EXOC4: variants seen among roughly 807,000 people sequenced by gnomAD.
The protein encoded by EXOC4 is SEC8-like 1.
In EXOC4, 71 loss-of-function variants were observed where a neutral mutation model predicts 107.2. The ratio of observed to expected loss-of-function variants is 0.66; its 90% CI spans 0.55 to 0.81. EXOC4 has a LOEUF of 0.81. EXOC4 is among the 30% of genes least tolerant of loss of function. EXOC4 has a pLI of 0.00. For synonymous variants in EXOC4, 456 were observed against 441.2 expected, an observed-to-expected ratio of 1.03 and a Z score of -0.42; for missense variants, 1,108 against 1,189.6, an observed-to-expected ratio of 0.93 and a Z score of 1.01.
At chr7:133,672,797 C>T (rs1793976333) in intron 10 of EXOC4, among the ~76,000 whole-genome samples, 1 of 152,206 alleles carries the variant, frequency 6.6e-6, no homozygotes, top group Non-Finnish European at 1.5e-5. Flanking sequence ...ATCTGTTCAT[C>T]ACCTTCATTA....
At chr7:133,546,625 A>G (rs920267495) in intron 9 of EXOC4, among the ~76,000 whole-genome samples, 2 of 152,112 alleles carry the variant, frequency 1.3e-5, no homozygotes, top group Non-Finnish European at 2.9e-5. Flanking sequence ...ATTGAGATAT[A>G]AATTGTTTCC....
intron 9 of EXOC4, among the ~76,000 whole-genome samples, chr7:133,516,525 A>G (rs1386018027): frequency 6.6e-6 from 1 of 152,032 alleles, no homozygotes; most frequent in East Asian, 1.9e-4. Context: ...TCTCTATTTC[A>G]TTGCTGAATA....
At chr7:133,286,629 A>T (rs959307292) in intron 2 of EXOC4, among the ~76,000 whole-genome samples, 3 of 152,194 alleles carry the variant, frequency 2.0e-5, no homozygotes, top group Non-Finnish European at 2.9e-5. Context: ...TGAAACCTCA[A>T]ATGTCACTAT....
intron 1 of EXOC4, among the ~76,000 whole-genome samples, chr7:133,261,162 A>G (rs1445572989): frequency 6.6e-6 from 1 of 151,964 alleles, no homozygotes; most frequent in African/African-American, 2.4e-5. Context: ...TATAGGTATT[A>G]TAACAGTTTT....
intron 1 of EXOC4, among the ~76,000 whole-genome samples, chr7:133,257,544 G>T (rs533084817): frequency 1.3e-5 from 2 of 152,310 alleles, no homozygotes; most frequent in South Asian, 4.1e-4. Flanking sequence ...TTTTAATTGG[G>T]AAATGTGTCT....
intron 10 of EXOC4, among the ~76,000 whole-genome samples, chr7:133,742,497 TGTAAG>T (rs1342184400): frequency 6.6e-6 from 1 of 152,190 alleles, no homozygotes; most frequent in South Asian, 2.1e-4. Context: ...ATTCTCAACA[TGTAAG>T]ATGTTATTAG....
At chr7:133,977,599 G>T (rs1179338771) in intron 14 of EXOC4, among the ~76,000 whole-genome samples, 2 of 152,168 alleles carry the variant, frequency 1.3e-5, no homozygotes, top group Non-Finnish European at 2.9e-5. Flanking sequence ...TGTTTGCTGT[G>T]ACCAAATCTT....
chr7:133,377,606 A>G (rs2150694345), intron 7 of EXOC4, among the ~76,000 whole-genome samples: 1 of 152,284 alleles, frequency 6.6e-6, no homozygotes, highest in East Asian at 1.9e-4. Flanking sequence ...TGGGGTAGAA[A>G]AATATCAGGA....
At chr7:133,473,228 C>T (rs1232769757) in intron 7 of EXOC4, among the ~76,000 whole-genome samples, 1 of 152,316 alleles carries the variant, frequency 6.6e-6, no homozygotes, top group South Asian at 2.1e-4. Flanking sequence ...ACTCAATATT[C>T]TCCCTGATCA....
At chr7:133,435,515 C>T (rs1456140193) in intron 7 of EXOC4, among the ~76,000 whole-genome samples, 1 of 152,204 alleles carries the variant, frequency 6.6e-6, no homozygotes, top group Admixed American at 6.5e-5. Flanking sequence ...GCATCATGCA[C>T]ATGAATTCTC....
intron 7 of EXOC4, among the ~76,000 whole-genome samples, chr7:133,461,139 A>G (rs1477925386): frequency 2.0e-5 from 3 of 152,200 alleles, no homozygotes; most frequent in Non-Finnish European, 4.4e-5. Flanking sequence ...GATAATATGC[A>G]TATATTCAGA....
chr7:133,782,203 A>G (rs1004144029), intron 10 of EXOC4, among the ~76,000 whole-genome samples: 1 of 152,128 alleles, frequency 6.6e-6, no homozygotes, highest in African/African-American at 2.4e-5. Flanking sequence ...TCAAAGTGCT[A>G]CATTAGGAAA....
intron 9 of EXOC4, among the ~76,000 whole-genome samples, chr7:133,508,219 A>G (rs1480529141): frequency 6.6e-6 from 1 of 152,188 alleles, no homozygotes; most frequent in African/African-American, 2.4e-5. Flanking sequence ...GAAATGAAAT[A>G]TGAAGTATTT....
chr7:134,065,822 G>A (rs1274164313), downstream of EXOC4: 3 of 152,228 alleles, frequency 2.0e-5, no homozygotes, highest in Non-Finnish European at 4.4e-5. Context: ...AGCCTAATAT[G>A]TGCTCCATGC....
intron 9 of EXOC4, among the ~76,000 whole-genome samples, chr7:133,571,025 G>A (rs996510941): frequency 1.3e-5 from 2 of 152,162 alleles, no homozygotes; most frequent in Non-Finnish European, 2.9e-5. Context: ...CTTATCTTCC[G>A]TGACAGTGGA....
intron 14 of EXOC4, among the ~76,000 whole-genome samples, chr7:133,995,175 G>C (rs1261364256): frequency 6.6e-6 from 1 of 152,150 alleles, no homozygotes; most frequent in Non-Finnish European, 1.5e-5. Context: ...ACTCAACTTA[G>C]ATATTTTTTT....
chr7:133,615,372 T>C (rs1802170800), intron 9 of EXOC4, among the ~76,000 whole-genome samples: 2 of 152,172 alleles, frequency 1.3e-5, no homozygotes, highest in African/African-American at 4.8e-5. Flanking sequence ...TCCTTATGAT[T>C]TCCTTATCTG....
intron 9 of EXOC4, among the ~76,000 whole-genome samples, chr7:133,536,113 T>C (rs1303500187): frequency 8.5e-5 from 13 of 152,228 alleles, no homozygotes; most frequent in Non-Finnish European, 1.9e-4. Flanking sequence ...ACTAGCTTTA[T>C]TGAGTTACTC....
chr7:133,659,104 A>T (rs957553344), intron 10 of EXOC4, among the ~76,000 whole-genome samples: 20 of 146,944 alleles, frequency 1.4e-4, no homozygotes, highest in African/African-American at 5.1e-4. Context: ...CTCAGGTAAA[A>T]TGCCCTCAAA....
Sources: allele counts gnomAD v4.1 joint callset (sites outside exome capture counted in the v4.1 genomes callset), GRCh38; gene constraint gnomAD v4.1.1; transcripts MANE v1.5; gene names NCBI Gene and HGNC (gene_info 2026-07-23, HGNC 2026-07-21).